The following MBNL1 variants were observed in gnomAD, a reference collection of about 807,000 sequenced individuals.
MBNL1 encodes the protein muscleblind-like protein 1.
In MBNL1, 8 loss-of-function variants were observed where a neutral mutation model predicts 42.2. That is an observed-to-expected ratio of 0.19 (90% CI 0.11 to 0.34). The LOEUF is 0.34. Among genes scored for constraint, MBNL1 ranks in the 10% least tolerant of loss-of-function variants. MBNL1 has a pLI of 1.00. For missense variants in MBNL1, 309 were observed against 495.3 expected (o/e 0.62, Z 3.57); for synonymous variants, 169 against 173.9 (o/e 0.97, Z 0.22).
intron 2 of MBNL1, among the ~76,000 whole-genome samples, chr3:152,373,069 C>G (rs754778542): frequency 3.9e-5 from 6 of 152,122 alleles, no homozygotes; most frequent in Non-Finnish European, 8.8e-5. Flanking sequence ...CTGCCCAATT[C>G]GAACTTCCCA....
At chr3:152,337,370 A>G (rs2090987186) in intron 2 of MBNL1, among the ~76,000 whole-genome samples, 1 of 152,202 alleles carries the variant, frequency 6.6e-6, no homozygotes, top group Non-Finnish European at 1.5e-5. Context: ...CTGTAATGCC[A>G]GTACTTTGAG....
intron 2 of MBNL1, among the ~76,000 whole-genome samples, chr3:152,371,078 G>A (rs182131659): frequency 3.3e-4 from 51 of 152,304 alleles, no homozygotes; most frequent in African/African-American, 1.2e-3. Flanking sequence ...AGTTGATGCA[G>A]ATTCTTCATA....
In MBNL1 at chr3:152,248,261, G is replaced by T. The variant is rs77253455; in HGVS notation, n.333+3821G>T. Among the ~76,000 whole-genome samples the T allele has an allele frequency of 7.6e-3, 1,158 of 151,912 alleles. 12 individuals carry two copies. The highest frequency in any genetic ancestry group is 0.027 in the African/African-American group (1,108 of 41,460). On this transcript the variant is annotated intron_variant and non_coding_transcript_variant, in intron 2 of 2. Coordinates refer to the MBNL1 transcript ENST00000477171. Reference sequence around the variant, plus strand: ...AAAAACATTTTCTATGCAATTAGGCGGCCTTCTGAATAAAATACAATCATA... The same window carrying T: ...AAAAACATTTTCTATGCAATTAGGCTGCCTTCTGAATAAAATACAATCATA...
chr3:152,273,933 C>T (rs2043365706), intron 1 of MBNL1, among the ~76,000 whole-genome samples: 1 of 152,152 alleles, frequency 6.6e-6, no homozygotes, highest in South Asian at 2.1e-4. Flanking sequence ...TTCCCCAAGA[C>T]AATGCCAATT....
chr3:152,305,681 G>A (rs1405836472), intron 2 of MBNL1, among the ~76,000 whole-genome samples: 1 of 152,040 alleles, frequency 6.6e-6, no homozygotes, highest in Non-Finnish European at 1.5e-5. Context: ...AAAAGCAACT[G>A]GAAAGGCTTG....
intron 2 of MBNL1, among the ~76,000 whole-genome samples, chr3:152,383,575 T>A (rs1048481938): frequency 1.2e-4 from 18 of 152,020 alleles, no homozygotes; most frequent in African/African-American, 4.3e-4. Flanking sequence ...TGTAACAAAA[T>A]CAACAAAGGT....
At chr3:152,290,701 A>G (rs1197072397) in intron 1 of MBNL1, among the ~76,000 whole-genome samples, 1 of 152,162 alleles carries the variant, frequency 6.6e-6, no homozygotes. Context: ...CAGAAGATAT[A>G]GAGGTTAAAT....
chr3:152,390,852 G>A (rs904422949), intron 2 of MBNL1, among the ~76,000 whole-genome samples: 3 of 152,194 alleles, frequency 2.0e-5, no homozygotes, highest in African/African-American at 7.2e-5. Flanking sequence ...TAGCAGAGCA[G>A]GAGCAGCACT....
intron 2 of MBNL1, chr3:152,301,029 C>A: frequency 2.1e-6 from 1 of 486,864 alleles, no homozygotes; most frequent in Non-Finnish European, 2.7e-6. Flanking sequence ...TGGATTTTTC[C>A]AGCTTCAAAA....
At chr3:152,367,421 C>G (rs1578801582) in intron 2 of MBNL1, among the ~76,000 whole-genome samples, 2 of 152,154 alleles carry the variant, frequency 1.3e-5, no homozygotes, top group African/African-American at 4.8e-5. Flanking sequence ...TTTATCCAGT[C>G]TCTCAATTGA....
chr3:152,260,528 C>T (rs376396807), intron 2 of MBNL1, among the ~76,000 whole-genome samples: 3 of 152,130 alleles, frequency 2.0e-5, no homozygotes, highest in African/African-American at 7.2e-5. Context: ...GTTGAATACA[C>T]ATAATTACAT....
chr3:152,244,466 C>T (rs1310554529), intron 2 of MBNL1: 1 of 152,144 alleles, frequency 6.6e-6, no homozygotes, highest in Non-Finnish European at 1.5e-5. Context: ...TGCTATTTTT[C>T]ATTTTATTAT....
At chr3:152,314,975 A>G (rs1440457747) in intron 2 of MBNL1, among the ~76,000 whole-genome samples, 1 of 152,156 alleles carries the variant, frequency 6.6e-6, no homozygotes, top group Non-Finnish European at 1.5e-5. Context: ...AAGGTTATTG[A>G]TTATTGCCCA....
At chr3:152,447,186 G>A (rs1042637354) in intron 5 of MBNL1, among the ~76,000 whole-genome samples, 1 of 150,772 alleles carries the variant, frequency 6.6e-6, no homozygotes, top group Non-Finnish European at 1.5e-5. Context: ...GATCTGGGGG[G>A]AGGAGCAGAG....
intron 1 of MBNL1, among the ~76,000 whole-genome samples, chr3:152,295,627 G>A (rs764269515): frequency 2.0e-5 from 3 of 152,212 alleles, no homozygotes; most frequent in Non-Finnish European, 4.4e-5. Context: ...AGGGGGAGAG[G>A]TACGAAGAGC....
chr3:152,397,504 A>G (rs2098018059), intron 2 of MBNL1, among the ~76,000 whole-genome samples: 1 of 152,132 alleles, frequency 6.6e-6, no homozygotes, highest in South Asian at 2.1e-4. Flanking sequence ...GATGATTTCC[A>G]GCTTCATCCA....
chr3:152,447,186 G>T (rs1042637354), intron 5 of MBNL1, among the ~76,000 whole-genome samples: 2 of 150,772 alleles, frequency 1.3e-5, no homozygotes, highest in Admixed American at 6.6e-5. Context: ...GATCTGGGGG[G>T]AGGAGCAGAG....
chr3:152,365,776 T>A (rs2096320801), intron 2 of MBNL1, among the ~76,000 whole-genome samples: 1 of 152,150 alleles, frequency 6.6e-6, no homozygotes, highest in African/African-American at 2.4e-5. Context: ...GCTGAAAGTG[T>A]ATGAAATGTT....
intron 3 of MBNL1, among the ~76,000 whole-genome samples, chr3:152,426,632 C>G (rs1252458821): frequency 2.0e-5 from 3 of 152,056 alleles, no homozygotes; most frequent in Non-Finnish European, 4.4e-5. Flanking sequence ...AAGAGCTTTG[C>G]ATGATATCTG....
Sources: gnomAD v4.1 joint callset for allele counts (sites outside exome capture counted in the v4.1 genomes callset) on GRCh38, gnomAD v4.1.1 for gene constraint, MANE v1.5 for transcripts, NCBI Gene and HGNC (gene_info 2026-07-23, HGNC 2026-07-21) for gene names.